The following IL26 variants were observed in gnomAD, a reference collection of about 807,000 sequenced individuals.
IL26 encodes interleukin 26.
Under a neutral mutation model 21.7 loss-of-function variants are expected in IL26, and 23 were observed. That is an observed-to-expected ratio of 1.06 (90% CI 0.76 to 1.50). The LOEUF is 1.50. Among genes scored for constraint, IL26 ranks in the 40% most tolerant of loss-of-function variants. The probability of loss-of-function intolerance (pLI) is 0.00; values close to 1 mark genes in which losing one functional copy is unlikely to be tolerated. For synonymous variants in IL26, 63 were observed against 67.8 expected (o/e 0.93, Z 0.34); for missense variants, 204 against 196.0 (o/e 1.04, Z -0.24).
intron 3 of IL26, among the ~76,000 whole-genome samples, chr12:68,223,905 T>C (rs1443406173): frequency 7.5e-6 from 1 of 133,892 alleles, no homozygotes; most frequent in African/African-American, 2.9e-5. Context: ...TTTTTTTTGC[T>C]TGTTTTTTTC....
chr12:68,225,390 A>T, intron 2 of IL26, 54 bp downstream of exon 2: 1 of 1,517,892 alleles, frequency 6.6e-7, no homozygotes, highest in Non-Finnish European at 9.0e-7. Flanking sequence ...ATGCAGGGGG[A>T]AATAAACATC....
chr12:68,225,024 T>C, intron 3 of IL26, 125 bp downstream of exon 3: 1 of 865,488 alleles, frequency 1.2e-6, no homozygotes, highest in South Asian at 2.1e-5. Context: ...CCTCTCCATT[T>C]GGACTACAAG....
chr12:68,211,821 T>C (rs1868738965), intron 3 of IL26, among the ~76,000 whole-genome samples: 1 of 152,196 alleles, frequency 6.6e-6, no homozygotes, highest in Non-Finnish European at 1.5e-5. Flanking sequence ...TCCGATTCTG[T>C]AGGTTGCCTT....
At chr12:68,212,704 T>C (rs1253320527) in intron 3 of IL26, among the ~76,000 whole-genome samples, 1 of 152,134 alleles carries the variant, frequency 6.6e-6, no homozygotes. Context: ...CTTTTTTATA[T>C]TGTTCACTGT....
Position 68,225,276 on chromosome 12 carries a change from C to T in IL26, c.236G>A (p.Cys79Tyr). The change falls in exon 3 of 5, where the codon TGT becomes TAT. Residue 79 changes from cysteine (C) to tyrosine (Y), a missense_variant. By Grantham distance (194) the Cys-to-Tyr change is radical. Transcript: ENST00000229134. ...GGACAGAAGCTGTTCTTGAAATTGA[C>T]AGTTTTTCTAAAAATAAGATACAAG... The part of the protein sequence containing the change: ...KKTKKQFMKN[C>Y]QFQEQLLSFF... The T allele has an allele frequency of 6.2e-7, 1 of 1,603,782 alleles. No homozygotes were observed. The highest frequency in any genetic ancestry group is 8.5e-7 in the Non-Finnish European group (1 of 1,176,476).
chr12:68,225,057 TACTC>T, intron 3 of IL26, 88 bp downstream of exon 3: 1 of 1,313,736 alleles, frequency 7.6e-7, no homozygotes, highest in Non-Finnish European at 1.0e-6. Flanking sequence ...AAGCTCGTTT[TACTC>T]ACCCTTTGGT....
At chr12:68,223,395 T>C (rs1869118468) in intron 3 of IL26, among the ~76,000 whole-genome samples, 1 of 152,174 alleles carries the variant, frequency 6.6e-6, no homozygotes, top group Non-Finnish European at 1.5e-5. Flanking sequence ...TAGGAAAACT[T>C]CACCAGAAAC....
chr12:68,221,694 T>C (rs1176714821), intron 3 of IL26, among the ~76,000 whole-genome samples: 1 of 152,230 alleles, frequency 6.6e-6, no homozygotes, highest in Non-Finnish European at 1.5e-5. Context: ...GCTGACAACA[T>C]GTGATCCAGT....
intron 3 of IL26, among the ~76,000 whole-genome samples, chr12:68,212,067 T>C (rs868678432): frequency 1.8e-4 from 27 of 152,240 alleles, no homozygotes; most frequent in Middle Eastern, 3.4e-3. Flanking sequence ...CTGTGAGAGA[T>C]AGGAGTTTAG....
intron 3 of IL26, among the ~76,000 whole-genome samples, chr12:68,203,698 T>C (rs1868450778): frequency 6.6e-6 from 1 of 152,314 alleles, no homozygotes; most frequent in East Asian, 1.9e-4. Flanking sequence ...CCAACAGGTC[T>C]CTTCAGGGGT....
At chr12:68,219,902 G>A (rs890189958) in intron 3 of IL26, among the ~76,000 whole-genome samples, 2 of 151,932 alleles carry the variant, frequency 1.3e-5, no homozygotes, top group East Asian at 1.9e-4. Flanking sequence ...GTACTATGCA[G>A]ATATTAAAAG....
At chr12:68,224,939 C>A (rs1007608964) in intron 3 of IL26, among the ~76,000 whole-genome samples, 2 of 152,158 alleles carry the variant, frequency 1.3e-5, no homozygotes. Flanking sequence ...GTTTTATGAG[C>A]CATTCTTTAA....
At chr12:68,209,399 A>G (rs7300806) in intron 3 of IL26, among the ~76,000 whole-genome samples, 126,865 of 152,180 alleles carry the variant, frequency 0.83, 53,434 homozygotes, top group East Asian at 0.97. Flanking sequence ...CAGCTGTGAC[A>G]GTTTAGCATA....
At chr12:68,216,190 C>T in intron 3 of IL26, among the ~76,000 whole-genome samples, 1 of 151,840 alleles carries the variant, frequency 6.6e-6, no homozygotes, top group Admixed American at 6.6e-5. Flanking sequence ...ACACAGGAGG[C>T]TGAGGCAGGG....
In IL26 at chr12:68,202,695, T is replaced by C. The variant is rs564233514; in HGVS notation, c.364-612A>G. Among the ~76,000 whole-genome samples the C allele has an allele frequency of 1.6e-4, 24 of 152,122 alleles. No individual in the cohort carries two copies. In the South Asian group the frequency reaches 4.8e-3, roughly 30 times the overall value. Reference sequence around the variant, plus strand: ...CATGATCCAATCACCTCCCGTCAGGTCCCTCCCTCCACATTTGGGGATCAC... The same window carrying C: ...CATGATCCAATCACCTCCCGTCAGGCCCCTCCCTCCACATTTGGGGATCAC... On this transcript the variant is annotated intron_variant, in intron 3 of 4. Transcript: ENST00000229134.
intron 3 of IL26, among the ~76,000 whole-genome samples, chr12:68,209,139 G>A (rs1276193832): frequency 6.6e-6 from 1 of 152,138 alleles, no homozygotes; most frequent in Non-Finnish European, 1.5e-5. Flanking sequence ...AGCAAAAATG[G>A]AAAACCTCTA....
chr12:68,207,875 A>G (rs1057407929), intron 3 of IL26, among the ~76,000 whole-genome samples: 2 of 145,098 alleles, frequency 1.4e-5, no homozygotes, highest in Non-Finnish European at 3.2e-5. Flanking sequence ...AGACTAGTAC[A>G]TACATATATT....
At chr12:68,203,022 A>G (rs1409112521) in intron 3 of IL26, among the ~76,000 whole-genome samples, 2 of 152,234 alleles carry the variant, frequency 1.3e-5, no homozygotes, top group African/African-American at 4.8e-5. Flanking sequence ...TACCTTTTAA[A>G]AAATCACTCT....
chr12:68,201,405 C>T lies in IL26; in HGVS notation c.*440G>A, dbSNP rs538151572. 1 of 154,430 alleles carries T rather than the reference C, an allele frequency of 6.5e-6. No homozygotes were observed. Among genetic ancestry groups the T allele is most frequent in the African/African-American group, 2.4e-5 (1 of 41,590 alleles). The allele number at this position is 154,430 out of a possible 1,614,324, so 9.6% of individuals were successfully genotyped here. A position where few individuals can be genotyped will look rare whatever the true frequency, so the allele number is the denominator to read the frequency against. ...CAAAATGTGTTAAGTACTAAGTTCA[C>T]ACTGGGCATAATTAACAATTTTCAA... On this transcript the variant is annotated 3_prime_UTR_variant, in exon 5 of 5. Coordinates refer to ENST00000229134, the MANE Select transcript of IL26 (RefSeq NM_018402.2).
Sources: gnomAD v4.1 joint callset for allele counts (sites outside exome capture counted in the v4.1 genomes callset) on GRCh38, gnomAD v4.1.1 for gene constraint, MANE v1.5 for transcripts, NCBI Gene and HGNC (gene_info 2026-07-23, HGNC 2026-07-21) for gene names.